The following PPM1L variants were observed in gnomAD, a reference collection of about 807,000 sequenced individuals.
PPM1L encodes the protein protein phosphatase 1L.
PPM1L carries 13 observed loss-of-function variants against 31.4 expected under a neutral mutation model. The observed-to-expected ratio is 0.41, with a 90% confidence interval of 0.27 to 0.66. The LOEUF is 0.66. Among genes scored for constraint, PPM1L ranks in the 30% least tolerant of loss-of-function variants. The pLI, the probability that PPM1L is intolerant of heterozygous loss-of-function variation, is 0.29. For synonymous variants in PPM1L, 184 were observed against 175.4 expected (o/e 1.05, Z -0.39); for missense variants, 326 against 453.7 (o/e 0.72, Z 2.56).
chr3:161,001,798 C>A (rs941600403), intron 2 of PPM1L, among the ~76,000 whole-genome samples: 24 of 152,150 alleles, frequency 1.6e-4, no homozygotes, highest in Non-Finnish European at 7.4e-5. Context: ...ACTACAAACC[C>A]TCCCTAAAGT....
chr3:161,014,656 G>C (rs1718021725), intron 2 of PPM1L, among the ~76,000 whole-genome samples: 2 of 152,018 alleles, frequency 1.3e-5, no homozygotes, highest in South Asian at 2.1e-4. Flanking sequence ...TATATTTTTA[G>C]TAGAGATGGG....
chr3:160,937,344 G>A (rs1225408761), intron 1 of PPM1L, among the ~76,000 whole-genome samples: 1 of 152,192 alleles, frequency 6.6e-6, no homozygotes, highest in Non-Finnish European at 1.5e-5. Flanking sequence ...TAAGAGGCCA[G>A]GCGTGGTGGC....
chr3:160,859,255 T>C (rs1711815613), intron 1 of PPM1L, among the ~76,000 whole-genome samples: 1 of 152,146 alleles, frequency 6.6e-6, no homozygotes, highest in South Asian at 2.1e-4. Context: ...TTTTTGATTG[T>C]TGTTGTTTTC....
intron 1 of PPM1L, among the ~76,000 whole-genome samples, chr3:160,814,841 T>C (rs757041967): frequency 2.0e-5 from 3 of 151,952 alleles, no homozygotes; most frequent in Non-Finnish European, 4.4e-5. Context: ...AATGAAATAA[T>C]GGCATTCACA....
chr3:160,919,865 C>T (rs1375034737), intron 1 of PPM1L, among the ~76,000 whole-genome samples: 2 of 152,128 alleles, frequency 1.3e-5, no homozygotes, highest in Non-Finnish European at 1.5e-5. Flanking sequence ...ATTTTGTTTT[C>T]TTTTTATTAC....
chr3:160,974,358 A>T (rs1363160711), intron 2 of PPM1L, among the ~76,000 whole-genome samples: 1 of 152,124 alleles, frequency 6.6e-6, no homozygotes, highest in East Asian at 1.9e-4. Context: ...TTATAGCAGC[A>T]TGATTTATAG....
At chr3:160,784,328 G>A (rs888030189) in intron 1 of PPM1L, among the ~76,000 whole-genome samples, 1 of 152,098 alleles carries the variant, frequency 6.6e-6, no homozygotes, top group African/African-American at 2.4e-5. Flanking sequence ...CTAGAGTTGT[G>A]TGGTTTTTGG....
intron 1 of PPM1L, among the ~76,000 whole-genome samples, chr3:160,801,369 A>G (rs1712420031): frequency 1.3e-5 from 2 of 152,184 alleles, no homozygotes; most frequent in African/African-American, 4.8e-5. Context: ...GCAAAGCGAA[A>G]TTTGTTAAGT....
intron 2 of PPM1L, among the ~76,000 whole-genome samples, chr3:160,979,381 G>A (rs1164202058): frequency 6.6e-6 from 1 of 151,932 alleles, no homozygotes; most frequent in South Asian, 2.1e-4. Context: ...CACTCAGACT[G>A]GAACCATGTA....
chr3:161,000,298 A>G, intron 2 of PPM1L, among the ~76,000 whole-genome samples: 1 of 152,336 alleles, frequency 6.6e-6, no homozygotes, highest in African/African-American at 2.4e-5. Flanking sequence ...GCTGTAATTC[A>G]AAGTAGATCT....
intron 1 of PPM1L, among the ~76,000 whole-genome samples, chr3:160,942,147 A>G (rs1196159297): frequency 1.3e-5 from 2 of 152,242 alleles, no homozygotes; most frequent in Non-Finnish European, 2.9e-5. Context: ...GTAGAAGTTT[A>G]AGATTATTAC....
At chr3:161,046,110 CAAAAAA>C (rs58794623) in intron 2 of PPM1L, among the ~76,000 whole-genome samples, 2 of 50,302 alleles carry the variant, frequency 4.0e-5, no homozygotes, top group African/African-American at 1.0e-4. Context: ...GACTCTGTCT[CAAAAAA>C]AAAAAAAAAA....
chr3:160,840,202 G>A (rs755490988), intron 1 of PPM1L, among the ~76,000 whole-genome samples: 6 of 152,120 alleles, frequency 3.9e-5, no homozygotes, highest in South Asian at 2.1e-4. Context: ...GGAAAGCATC[G>A]TGAAATATTT....
chr3:160,792,210 A>G (rs773527006), intron 1 of PPM1L, among the ~76,000 whole-genome samples: 13 of 152,196 alleles, frequency 8.5e-5, no homozygotes, highest in Non-Finnish European at 1.3e-4. Flanking sequence ...AGCTAATCAG[A>G]GGTGATTAAA....
intron 1 of PPM1L, among the ~76,000 whole-genome samples, chr3:160,798,092 C>A (rs745968254): frequency 2.0e-5 from 3 of 152,084 alleles, no homozygotes; most frequent in Non-Finnish European, 4.4e-5. Flanking sequence ...GCAGGAGAAT[C>A]TCTTGAACCA....
chr3:161,021,544 A>G (rs1469705051), intron 2 of PPM1L, among the ~76,000 whole-genome samples: 1 of 151,912 alleles, frequency 6.6e-6, no homozygotes, highest in Admixed American at 6.6e-5. Context: ...GTGGTTTTCT[A>G]GTATTGTTCA....
intron 1 of PPM1L, among the ~76,000 whole-genome samples, chr3:160,797,078 G>C (rs1712270101): frequency 6.6e-6 from 1 of 151,916 alleles, no homozygotes; most frequent in Non-Finnish European, 1.5e-5. Context: ...GTTTTGTTTT[G>C]TTTTTAAACA....
chr3:161,053,435 C>T (rs1305756541), intron 2 of PPM1L, among the ~76,000 whole-genome samples: 3 of 152,146 alleles, frequency 2.0e-5, no homozygotes. Context: ...TATGTTCATA[C>T]TTAACAGAAA....
At chr3:161,016,271 C>T (rs1337306646) in intron 2 of PPM1L, among the ~76,000 whole-genome samples, 1 of 152,200 alleles carries the variant, frequency 6.6e-6, no homozygotes, top group Non-Finnish European at 1.5e-5. Flanking sequence ...TGATCTCCAT[C>T]TACATCAAAC....
Sources: allele counts gnomAD v4.1 joint callset (sites outside exome capture counted in the v4.1 genomes callset), GRCh38; gene constraint gnomAD v4.1.1; transcripts MANE v1.5; gene names NCBI Gene and HGNC (gene_info 2026-07-23, HGNC 2026-07-21).